HINT3: variants seen among roughly 807,000 people sequenced by gnomAD.
HINT3 encodes histidine triad nucleotide binding protein 3.
In HINT3, 16 loss-of-function variants were observed where a neutral mutation model predicts 19.1. The observed-to-expected ratio is 0.84, with a 90% CI of 0.57 to 1.27. HINT3 has a LOEUF of 1.27. Ranked by LOEUF, HINT3 falls within the 50% of genes most tolerant of loss-of-function variation. HINT3 has a pLI of 0.00. For missense variants in HINT3, 197 were observed against 225.8 expected (o/e 0.87, Z 0.82); for synonymous variants, 75 against 84.8 (o/e 0.88, Z 0.63).
At position 125,966,873 on chromosome 6, in the gene HINT3, G is replaced by GT. The variant is rs1789024680; in HGVS notation, c.202-8dup. ...TCTTTTTAAAAATTCACTAACAAAT[G>GT]TTTTTTCCTTTAGAATGAGGACCTA... On this transcript the variant is annotated splice_polypyrimidine_tract_variant and intron_variant, in intron 1 of 4. Transcript: ENST00000229633. 2.0e-6 allele frequency: 3 copies of GT among 1,537,586 alleles called. No individual in the cohort carries two copies. Among genetic ancestry groups the GT allele is most frequent in the Non-Finnish European group, 2.7e-6 (3 of 1,115,470 alleles).
rs1268415960 is a variant in HINT3, at chr6:125,959,795, C to T, written c.201+2617C>T. 3.9e-5 allele frequency among the ~76,000 whole-genome samples: 6 copies of T among 152,188 alleles called. No individual in the cohort carries two copies. The East Asian group carries it at 5.8e-4, about 15-fold the overall frequency. On this transcript the variant is annotated intron_variant, in intron 1 of 4. Transcript: ENST00000229633. ...TAGAGAGAGGTTTAAAATGGCCCGG[C>T]GGGTAGAATGTTGACCCTGGGAAAG...
intron 1 of HINT3, among the ~76,000 whole-genome samples, chr6:125,962,209 TACAC>T (rs1304880637): frequency 0.18 from 3,513 of 19,918 alleles, 730 homozygotes; most frequent in African/African-American, 0.42. Context: ...TATATATATA[TACAC>T]ATATATATAT....
intron 4 of HINT3, among the ~76,000 whole-genome samples, chr6:125,975,728 C>G (rs528214951): frequency 2.3e-4 from 35 of 152,144 alleles, no homozygotes; most frequent in African/African-American, 8.2e-4. Context: ...CAGGTGCATG[C>G]CACCATGCCC....
At chr6:125,962,826 G>C (rs560002795) in intron 1 of HINT3, among the ~76,000 whole-genome samples, 3 of 152,066 alleles carry the variant, frequency 2.0e-5, no homozygotes, top group South Asian at 2.1e-4. Context: ...TCTTGGTGGT[G>C]GTGGGGCAAT....
chr6:125,976,397 G>C (rs1789178828), intron 4 of HINT3, among the ~76,000 whole-genome samples: 1 of 151,554 alleles, frequency 6.6e-6, no homozygotes, highest in South Asian at 2.1e-4. Flanking sequence ...GACAGAGTGA[G>C]ATCTTGTCTC....
chr6:125,972,401 A>C, intron 3 of HINT3, 73 bp downstream of exon 3: 1 of 911,134 alleles, frequency 1.1e-6, no homozygotes, highest in Admixed American at 3.0e-5. Flanking sequence ...TCTCCATGGA[A>C]AATGGAAACA....
chr6:125,962,221 T>TATATATATATATACACAC (rs1788943615), intron 1 of HINT3, among the ~76,000 whole-genome samples: 1 of 40,868 alleles, frequency 2.4e-5, no homozygotes, highest in Non-Finnish European at 3.9e-5. Context: ...CACATATATA[T>TATATATATATATACACAC]ATATATATAT....
intron 2 of HINT3, among the ~76,000 whole-genome samples, chr6:125,969,308 T>G (rs552635758): frequency 6.6e-6 from 1 of 152,360 alleles, no homozygotes; most frequent in Non-Finnish European, 1.5e-5. Context: ...GAAGATCAGA[T>G]GGCTGCAGGT....
chr6:125,969,686 T>A (rs887020683), intron 2 of HINT3, among the ~76,000 whole-genome samples: 1 of 152,236 alleles, frequency 6.6e-6, no homozygotes, highest in Admixed American at 6.5e-5. Flanking sequence ...ATAGTTCTCC[T>A]CGTAGAGATC....
chr6:125,960,454 C>T (rs1012834611), intron 1 of HINT3, among the ~76,000 whole-genome samples: 5 of 152,030 alleles, frequency 3.3e-5, no homozygotes, highest in African/African-American at 7.2e-5. Flanking sequence ...GTCAGGAGTT[C>T]GAGACCAGCC....
chr6:125,975,105 A>C, intron 4 of HINT3, 132 bp downstream of exon 4: 1 of 696,326 alleles, frequency 1.4e-6, no homozygotes, highest in East Asian at 2.9e-5. Flanking sequence ...TACTGCTTGC[A>C]CATATCCAAA....
chr6:125,975,662 C>T (rs1288688201), intron 4 of HINT3, among the ~76,000 whole-genome samples: 1 of 149,992 alleles, frequency 6.7e-6, no homozygotes, highest in Non-Finnish European at 1.5e-5. Context: ...ACTGCAACCT[C>T]CGCCTCCCGG....
chr6:125,962,189 CATATATATATATATATATATACACAT>C lies in HINT3; in HGVS notation c.202-4678_202-4653del, dbSNP rs1788938745. Among the ~76,000 whole-genome samples, 36 of 64,290 alleles carry C rather than the reference CATATATATATATATATATATACACAT, an allele frequency of 5.6e-4. 6 individuals carry two copies. The highest frequency in any genetic ancestry group is 3.6e-3 in the African/African-American group (33 of 9,174). The allele number at this position is 64,290 out of a possible 152,430, so 42.2% of individuals were successfully genotyped here. A position where few individuals can be genotyped will look rare whatever the true frequency, so the allele number is the denominator to read the frequency against. On this transcript the variant is annotated intron_variant, in intron 1 of 4. Transcript: ENST00000229633. ...ATATATATATATATATATATATACA[CATATATATATATATATATATACACAT>C]ATATATATATATATATATACACATA...
At chr6:125,975,861 C>T (rs1250828422) in intron 4 of HINT3, among the ~76,000 whole-genome samples, 1 of 152,198 alleles carries the variant, frequency 6.6e-6, no homozygotes, top group African/African-American at 2.4e-5. Flanking sequence ...CAGGTGTGAG[C>T]CACTGTGCCT....
Position 125,974,951 on chromosome 6 carries a change from T to C in HINT3, c.494T>C (p.Val165Ala), listed in dbSNP as rs761212828. The C allele has an allele frequency of 6.2e-7, 1 of 1,613,928 alleles. No homozygotes were observed. The highest frequency in any genetic ancestry group is 2.2e-5 in the East Asian group (1 of 44,866). Residue 165 changes from valine to alanine, a missense_variant, in exon 4 of 5, where the codon GTC becomes GCC. Val to Ala is a moderately conservative substitution (Grantham distance 64). Transcript: ENST00000229633. ...LGFLSKLVYR[V>A]NSYWFITADH... Reference sequence around the variant, plus strand: ...TTCTTATCCAAGTTGGTTTATAGAGTCAATTCCTATTGGTTTATCACAGTG... The same window carrying C: ...TTCTTATCCAAGTTGGTTTATAGAGCCAATTCCTATTGGTTTATCACAGTG...
intron 1 of HINT3, among the ~76,000 whole-genome samples, chr6:125,960,362 G>A (rs1331235265): frequency 6.6e-6 from 1 of 152,198 alleles, no homozygotes; most frequent in African/African-American, 2.4e-5. Flanking sequence ...GTGAGACACA[G>A]TTAAGAAGTT....
At chr6:125,967,864 C>T (rs1789040618) in intron 2 of HINT3, among the ~76,000 whole-genome samples, 1 of 152,132 alleles carries the variant, frequency 6.6e-6, no homozygotes, top group Admixed American at 6.5e-5. Context: ...TGAATCTTGT[C>T]TATTAAGGAT....
chr6:125,979,223 G>A lies in HINT3; in HGVS notation c.*1547G>A, dbSNP rs1789215800. The A allele has an allele frequency of 6.6e-6, 1 of 152,162 alleles. No homozygotes were observed. Among genetic ancestry groups the A allele is most frequent in the Non-Finnish European group, 1.5e-5 (1 of 68,022 alleles). 9.4% of individuals were successfully genotyped at this position (152,162 alleles called of 1,614,324 possible). A position where few individuals can be genotyped will look rare whatever the true frequency, so the allele number is the denominator to read the frequency against. The stretch of plus-strand genomic sequence containing the variant: ...AGATTTCATCTTATTTACTGAAGGT[G>A]GAGAAAGGATGTGGAAGTAGGGGTT... On this transcript the variant is annotated 3_prime_UTR_variant, in exon 5 of 5. Coordinates refer to ENST00000229633, the MANE Select transcript of HINT3 (RefSeq NM_138571.5).
At chr6:125,963,715 A>G (rs1015920059) in intron 1 of HINT3, among the ~76,000 whole-genome samples, 8 of 152,218 alleles carry the variant, frequency 5.3e-5, no homozygotes, top group South Asian at 2.1e-4. Context: ...ACATAAACAT[A>G]TATACATTGT....
Sources: gnomAD v4.1 joint callset for allele counts (sites outside exome capture counted in the v4.1 genomes callset) on GRCh38, gnomAD v4.1.1 for gene constraint, MANE v1.5 for transcripts, NCBI Gene and HGNC (gene_info 2026-07-23, HGNC 2026-07-21) for gene names.